DPP10: variants seen among roughly 807,000 people sequenced by gnomAD.
The protein encoded by DPP10 is inactive dipeptidyl peptidase 10.
Under a neutral mutation model 120.9 loss-of-function variants are expected in DPP10, and 33 were observed. The ratio of observed to expected loss-of-function variants is 0.27; its 90% CI spans 0.21 to 0.37. DPP10 has a LOEUF of 0.37. Among genes scored for constraint, DPP10 ranks in the 10% least tolerant of loss-of-function variants. DPP10 has a pLI of 1.00. For missense variants in DPP10, 816 were observed against 942.8 expected (o/e 0.87, Z 1.76); for synonymous variants, 337 against 326.1 (o/e 1.03, Z -0.36).
At chr2:115,611,497 C>A (rs1367153651) in intron 5 of DPP10, among the ~76,000 whole-genome samples, 1 of 152,152 alleles carries the variant, frequency 6.6e-6, no homozygotes, top group Non-Finnish European at 1.5e-5. Flanking sequence ...TTACCCCAAC[C>A]TTCAAATACA....
chr2:114,730,697 G>A (rs1319365967), intron 1 of DPP10, among the ~76,000 whole-genome samples: 3 of 152,036 alleles, frequency 2.0e-5, no homozygotes, highest in Non-Finnish European at 2.9e-5. Context: ...GGATTCAAGC[G>A]ATTCTCCTGC....
chr2:115,267,847 A>G (rs1456083296), intron 1 of DPP10, among the ~76,000 whole-genome samples: 1 of 152,128 alleles, frequency 6.6e-6, no homozygotes, highest in Non-Finnish European at 1.5e-5. Context: ...TAAAAATTGT[A>G]GTTATCCTTC....
At chr2:114,872,190 T>C (rs1320520891) in intron 1 of DPP10, among the ~76,000 whole-genome samples, 1 of 152,146 alleles carries the variant, frequency 6.6e-6, no homozygotes, top group East Asian at 1.9e-4. Context: ...CAGTTTCACA[T>C]GGCTATGGAG....
intron 7 of DPP10, among the ~76,000 whole-genome samples, chr2:115,705,205 C>T (rs892365248): frequency 5.9e-5 from 9 of 151,870 alleles, no homozygotes; most frequent in Admixed American, 3.9e-4. Context: ...ATCAATTTTT[C>T]CCGAGTAGTA....
At chr2:115,381,049 T>A (rs189844744) in intron 3 of DPP10, among the ~76,000 whole-genome samples, 3 of 152,278 alleles carry the variant, frequency 2.0e-5, no homozygotes, top group East Asian at 1.9e-4. Flanking sequence ...GCTCTTCTCG[T>A]GGAGTATCTT....
intron 5 of DPP10, among the ~76,000 whole-genome samples, chr2:115,529,031 A>G (rs2078300626): frequency 6.6e-6 from 1 of 152,130 alleles, no homozygotes; most frequent in Non-Finnish European, 1.5e-5. Context: ...TCGGTGGGGA[A>G]AACTGGGTGA....
At chr2:114,520,654 G>A (rs1186303566) in intron 1 of DPP10, among the ~76,000 whole-genome samples, 1 of 152,170 alleles carries the variant, frequency 6.6e-6, no homozygotes, top group East Asian at 1.9e-4. Context: ...AAGAAGGGAA[G>A]AACCACCATC....
At chr2:114,477,317 A>C (rs1680496526) in intron 1 of DPP10, among the ~76,000 whole-genome samples, 1 of 152,136 alleles carries the variant, frequency 6.6e-6, no homozygotes, top group Middle Eastern at 3.4e-3. Context: ...TGTTTGTGAG[A>C]TCCATACGTA....
intron 3 of DPP10, among the ~76,000 whole-genome samples, chr2:115,420,892 G>A (rs1468433213): frequency 1.3e-5 from 2 of 152,148 alleles, no homozygotes; most frequent in African/African-American, 4.8e-5. Flanking sequence ...AATATCCAAT[G>A]ACTAAGAAAT....
intron 1 of DPP10, among the ~76,000 whole-genome samples, chr2:114,662,027 G>C (rs1017317334): frequency 6.6e-6 from 1 of 150,780 alleles, no homozygotes; most frequent in African/African-American, 2.4e-5. Context: ...AAAACAACCC[G>C]GGCTCTCCAG....
intron 1 of DPP10, among the ~76,000 whole-genome samples, chr2:114,634,409 A>G (rs796660178): frequency 1.5e-4 from 23 of 151,750 alleles, no homozygotes; most frequent in Middle Eastern, 3.4e-3. Flanking sequence ...TTACCCTATC[A>G]TTAATTGGTG....
chr2:115,773,146 A>C (rs556686432), intron 13 of DPP10, among the ~76,000 whole-genome samples: 1 of 152,296 alleles, frequency 6.6e-6, no homozygotes, highest in South Asian at 2.1e-4. Context: ...CAATGAGCTC[A>C]TCTCATGTGG....
Position 115,227,208 on chromosome 2 carries a change from C to T in DPP10, c.61-82031C>T, listed in dbSNP as rs146496429. Among the ~76,000 whole-genome samples the T allele has an allele frequency of 7.3e-4, 111 of 152,180 alleles. 1 individual carries two copies. The highest frequency in any genetic ancestry group is 2.6e-3 in the African/African-American group (109 of 41,550). On this transcript the variant is annotated intron_variant, in intron 1 of 25. Transcript: ENST00000410059. ...GCATGTATCCTTCCCTCTCAAGGTA[C>T]ATAAAATGAAATGTTCTGAAAAGAC...
At chr2:115,566,019 T>A (rs1041294226) in intron 5 of DPP10, among the ~76,000 whole-genome samples, 7 of 152,086 alleles carry the variant, frequency 4.6e-5, no homozygotes, top group Admixed American at 3.9e-4. Context: ...ATTCCTGACC[T>A]CAGGCGATCA....
rs138270596 is a variant in DPP10 at position 115,444,702 on chromosome 2, T to C, written c.272-54808T>C. Among the ~76,000 whole-genome samples, 107 of 152,164 alleles carry C rather than the reference T, an allele frequency of 7.0e-4. 1 individual carries two copies. In the East Asian group the frequency reaches 0.019, roughly 27 times the overall value. ...TTGCTAAGACCCAAGTAGATAAGAG[T>C]AGTTGCATTTAAAAAGCAGAGATTA... On this transcript the variant is annotated intron_variant, in intron 3 of 25. Transcript: ENST00000410059.
At chr2:115,219,877 G>T (rs2105407394) in intron 1 of DPP10, among the ~76,000 whole-genome samples, 1 of 152,166 alleles carries the variant, frequency 6.6e-6, no homozygotes, top group South Asian at 2.1e-4. Context: ...AAATTGTCAT[G>T]GAAAAATGTG....
At chr2:114,443,116 G>T (rs1558764712) in intron 1 of DPP10, among the ~76,000 whole-genome samples, 2 of 151,928 alleles carry the variant, frequency 1.3e-5, no homozygotes, top group South Asian at 4.1e-4. Flanking sequence ...TGAGTGTCTA[G>T]AAGAGTTTCC....
chr2:115,702,200 A>G (rs1253820633), intron 7 of DPP10, among the ~76,000 whole-genome samples: 1 of 151,940 alleles, frequency 6.6e-6, no homozygotes, highest in Admixed American at 6.6e-5. Context: ...AAGTTTGTAG[A>G]ACTTAGTCGT....
rs140727429 is a variant in DPP10, at chr2:115,813,645, T to C, written c.1701-1148T>C. Among the ~76,000 whole-genome samples the C allele has an allele frequency of 3.5e-3, 536 of 152,386 alleles. 3 individuals carry two copies. Among genetic ancestry groups the C allele is most frequent in the African/African-American group, 0.012 (505 of 41,598 alleles). The stretch of plus-strand genomic sequence containing the variant: ...AGTTGCTCTGTGTTTTGTCTGATTC[T>C]CTACTTACTTCTTTATGTCACTTAC... On this transcript the variant is annotated intron_variant, in intron 19 of 25. Coordinates refer to ENST00000410059, the MANE Select transcript of DPP10 (RefSeq NM_020868.6).
Sources: gnomAD v4.1 joint callset for allele counts (sites outside exome capture counted in the v4.1 genomes callset) on GRCh38, gnomAD v4.1.1 for gene constraint, MANE v1.5 for transcripts, NCBI Gene and HGNC (gene_info 2026-07-23, HGNC 2026-07-21) for gene names.